Variants in KIF6 observed in about 807,000 individuals in gnomAD.
KIF6 encodes the protein kinesin-like protein KIF6.
In KIF6, 106 loss-of-function variants were observed where a neutral mutation model predicts 112.7. The ratio of observed to expected loss-of-function variants is 0.94; its 90% confidence interval spans 0.80 to 1.11. KIF6 has a LOEUF of 1.11. Among genes scored for constraint, KIF6 ranks in the 50% least tolerant of loss-of-function variants. KIF6 has a pLI of 0.00. For synonymous variants in KIF6, 339 were observed against 339.9 expected (o/e 1.00, Z 0.03); for missense variants, 929 against 964.0 (o/e 0.96, Z 0.48).
At chr6:39,434,889 C>T (rs1406944826) in intron 13 of KIF6, among the ~76,000 whole-genome samples, 1 of 152,040 alleles carries the variant, frequency 6.6e-6, no homozygotes. Context: ...GGTGGCTCTG[C>T]CATCCAATAG....
At chr6:39,664,791 C>T (rs1786368410) in intron 3 of KIF6, among the ~76,000 whole-genome samples, 1 of 152,046 alleles carries the variant, frequency 6.6e-6, no homozygotes, top group Non-Finnish European at 1.5e-5. Flanking sequence ...CCCAAAGATA[C>T]AATCCTTAAT....
At chr6:39,711,572 T>C (rs1328159521) in intron 3 of KIF6, among the ~76,000 whole-genome samples, 1 of 152,062 alleles carries the variant, frequency 6.6e-6, no homozygotes, top group East Asian at 1.9e-4. Context: ...AAAATCTCAC[T>C]ATGTTGCCCA....
intron 13 of KIF6, among the ~76,000 whole-genome samples, chr6:39,514,895 A>C (rs553339597): frequency 6.6e-6 from 1 of 152,366 alleles, no homozygotes; most frequent in East Asian, 1.9e-4. Flanking sequence ...TAATGATAGA[A>C]AGACCAGCAT....
intron 14 of KIF6, among the ~76,000 whole-genome samples, chr6:39,429,415 T>C (rs1009550719): frequency 1.3e-5 from 2 of 152,212 alleles, no homozygotes; most frequent in Non-Finnish European, 2.9e-5. Context: ...CCATTCTTGC[T>C]CCCTTCCAGG....
chr6:39,582,871 C>A (rs1582192785), intron 9 of KIF6, among the ~76,000 whole-genome samples: 3 of 152,320 alleles, frequency 2.0e-5, no homozygotes, highest in South Asian at 4.1e-4. Context: ...GTGCCTCAGA[C>A]AAGCTCTATA....
intron 13 of KIF6, among the ~76,000 whole-genome samples, chr6:39,520,265 C>T (rs191928986): frequency 7.2e-5 from 11 of 152,224 alleles, no homozygotes; most frequent in African/African-American, 2.6e-4. Context: ...TTTTTTGGTA[C>T]AAGTGTGTCT....
In KIF6 at chr6:39,556,799, T is replaced by C. The variant is rs529496044; in HGVS notation, c.1182-11111A>G. 6.6e-5 allele frequency among the ~76,000 whole-genome samples: 10 copies of C among 152,334 alleles called. No homozygotes were observed. The East Asian group carries it at 1.7e-3, about 26-fold the overall frequency. On this transcript the variant is annotated intron_variant, in intron 10 of 22. Transcript: ENST00000287152. The stretch of plus-strand genomic sequence containing the variant: ...GGAAGTGGGCTAGCCCTACCAAAGC[T>C]ATTTATCTCCATGGTTAAAGTTTCC...
At chr6:39,432,841 ATGAGACTT>A (rs2150383856) in intron 13 of KIF6, among the ~76,000 whole-genome samples, 1 of 152,326 alleles carries the variant, frequency 6.6e-6, no homozygotes, top group African/African-American at 2.4e-5. Context: ...AGTAGAGGGC[ATGAGACTT>A]TGGACTGGAG....
chr6:39,410,660 T>A (rs2150352113), intron 15 of KIF6, among the ~76,000 whole-genome samples: 1 of 152,322 alleles, frequency 6.6e-6, no homozygotes, highest in Admixed American at 6.5e-5. Context: ...CTATAAATTA[T>A]AATGTACCTT....
chr6:39,390,031 C>CAAAAAA (rs943420819), intron 15 of KIF6, among the ~76,000 whole-genome samples: 1 of 43,530 alleles, frequency 2.3e-5, no homozygotes, highest in African/African-American at 1.0e-4. Context: ...ACTCTGTCTC[C>CAAAAAA]AAAAAAAAAA....
intron 3 of KIF6, among the ~76,000 whole-genome samples, chr6:39,688,678 T>A (rs1788008710): frequency 6.6e-6 from 1 of 152,104 alleles, no homozygotes; most frequent in Non-Finnish European, 1.5e-5. Context: ...TAAAAAGAAG[T>A]GTGGTAAGGT....
At chr6:39,537,533 A>G (rs990590532) in intron 13 of KIF6, among the ~76,000 whole-genome samples, 16 of 152,042 alleles carry the variant, frequency 1.1e-4, no homozygotes, top group African/African-American at 3.9e-4. Context: ...CTCTTCAAGG[A>G]GAACTACAAA....
chr6:39,347,542 C>CT (rs1763901619), intron 19 of KIF6, among the ~76,000 whole-genome samples: 3 of 152,246 alleles, frequency 2.0e-5, no homozygotes, highest in African/African-American at 7.2e-5. Context: ...GGTCCTTACT[C>CT]TAAGTTGTGC....
In KIF6 at chr6:39,614,200, G is replaced by T. The variant is rs562238892; in HGVS notation, c.510-882C>A. On this transcript the variant is annotated intron_variant, in intron 5 of 22. Coordinates refer to ENST00000287152, the MANE Select transcript of KIF6 (RefSeq NM_145027.6). ...AGATTTGAGTCATAAAGTTACTAAAGAGAGTTCCTTTCTACCTCTTAAATT... is the reference window on the plus strand; with the variant it reads ...AGATTTGAGTCATAAAGTTACTAAATAGAGTTCCTTTCTACCTCTTAAATT... Among the ~76,000 whole-genome samples the T allele has an allele frequency of 7.6e-4, 116 of 152,280 alleles. No homozygotes were observed. The Middle Eastern group carries it at 0.01, about 13-fold the overall frequency.
At chr6:39,508,940 C>G (rs1460992269) in intron 13 of KIF6, among the ~76,000 whole-genome samples, 1 of 152,186 alleles carries the variant, frequency 6.6e-6, no homozygotes, top group Non-Finnish European at 1.5e-5. Context: ...TCCCTGACCC[C>G]TGTGTAGCCT....
At chr6:39,521,692 T>C (rs1004972379) in intron 13 of KIF6, among the ~76,000 whole-genome samples, 1 of 152,208 alleles carries the variant, frequency 6.6e-6, no homozygotes, top group Admixed American at 6.5e-5. Context: ...GTGATTTCAA[T>C]GAGAGTCAGT....
At chr6:39,600,949 T>G (rs1782533590) in intron 6 of KIF6, among the ~76,000 whole-genome samples, 1 of 152,158 alleles carries the variant, frequency 6.6e-6, no homozygotes. Context: ...CCTGCTTCAT[T>G]GCAGGGAGTT....
At chr6:39,499,657 T>C (rs1387333654) in intron 13 of KIF6, among the ~76,000 whole-genome samples, 2 of 152,148 alleles carry the variant, frequency 1.3e-5, no homozygotes, top group Admixed American at 6.5e-5. Flanking sequence ...AGGACCAAAA[T>C]GTTTGGCTTG....
chr6:39,440,135 G>A (rs774401206), intron 13 of KIF6, among the ~76,000 whole-genome samples: 1 of 152,078 alleles, frequency 6.6e-6, no homozygotes, highest in Non-Finnish European at 1.5e-5. Flanking sequence ...CAGTGAGAAG[G>A]GGGGTGGATT....
Sources: allele counts gnomAD v4.1 joint callset (sites outside exome capture counted in the v4.1 genomes callset), GRCh38; gene constraint gnomAD v4.1.1; transcripts MANE v1.5; gene names NCBI Gene and HGNC (gene_info 2026-07-23, HGNC 2026-07-21).